The following KANSL1 variants were observed in gnomAD, a reference collection of about 807,000 sequenced individuals.
The protein encoded by KANSL1 is MLL1/MLL complex subunit KANSL1.
KANSL1 carries 22 observed loss-of-function variants against 103.6 expected under a neutral mutation model. The observed-to-expected ratio is 0.21, with a 90% CI of 0.15 to 0.30. The LOEUF (loss-of-function observed/expected upper bound fraction) is 0.30, where lower values mean the gene tolerates loss of function less well. Ranked by LOEUF, KANSL1 falls within the 10% of genes least tolerant of loss-of-function variation. The pLI is 1.00. For missense variants in KANSL1, 1,337 were observed against 1,399.8 expected (o/e 0.96, Z 0.72); for synonymous variants, 600 against 527.6 (o/e 1.14, Z -1.88).
At chr17:46,146,474 C>G (rs1380721017) in intron 2 of KANSL1, among the ~76,000 whole-genome samples, 2 of 152,136 alleles carry the variant, frequency 1.3e-5, no homozygotes, top group Non-Finnish European at 2.9e-5. Context: ...TTTTTTTGGA[C>G]TGCTCCTGCA....
intron 1 of KANSL1, among the ~76,000 whole-genome samples, chr17:46,181,273 G>A (rs147175020): frequency 1.3e-5 from 2 of 152,124 alleles, no homozygotes; most frequent in Non-Finnish European, 2.9e-5. Context: ...TTCAGGTTTG[G>A]TATGTCCTCT....
At chr17:46,074,763 C>CTAAATAAATAAATAAATAAA (rs71138522) in intron 4 of KANSL1, among the ~76,000 whole-genome samples, 1 of 142,556 alleles carries the variant, frequency 7.0e-6, no homozygotes, top group Non-Finnish European at 1.5e-5. Context: ...GACCCTATCT[C>CTAAATAAATAAATAAATAAA]TAAATAAATA....
At chr17:46,105,098 C>G (rs1313509148) in intron 2 of KANSL1, among the ~76,000 whole-genome samples, 2 of 152,174 alleles carry the variant, frequency 1.3e-5, no homozygotes, top group Non-Finnish European at 2.9e-5. Flanking sequence ...CAGGCGTGAG[C>G]AACCGCACAT....
intron 2 of KANSL1, among the ~76,000 whole-genome samples, chr17:46,110,737 T>C (rs2042766754): frequency 1.3e-5 from 2 of 152,066 alleles, no homozygotes; most frequent in African/African-American, 4.8e-5. Context: ...AAAAGAATAC[T>C]GTGGGCAAGA....
At chr17:46,173,467 T>C (rs1033654543) in intron 1 of KANSL1, among the ~76,000 whole-genome samples, 2 of 152,230 alleles carry the variant, frequency 1.3e-5, no homozygotes, top group African/African-American at 4.8e-5. Context: ...CCTTGATCTA[T>C]GTGGTCTGGG....
intron 7 of KANSL1, among the ~76,000 whole-genome samples, chr17:46,047,919 G>A (rs997290851): frequency 1.5e-5 from 2 of 133,560 alleles, no homozygotes; most frequent in African/African-American, 3.0e-5. Flanking sequence ...CACTCCCCCC[G>A]CCACCAAGAC....
At chr17:46,050,280 A>C in intron 7 of KANSL1, 2 of 522,312 alleles carry the variant, frequency 3.8e-6, no homozygotes, top group Middle Eastern at 5.0e-4. Context: ...GCTAGAGGCA[A>C]CTGAGCCCAG....
At chr17:46,179,790 C>T (rs188730308) in intron 1 of KANSL1, among the ~76,000 whole-genome samples, 1 of 152,290 alleles carries the variant, frequency 6.6e-6, no homozygotes, top group African/African-American at 2.4e-5. Context: ...CAATTTGGGC[C>T]GGGCGCAGTG....
chr17:46,144,172 T>C (rs931274355), intron 2 of KANSL1, among the ~76,000 whole-genome samples: 2 of 152,246 alleles, frequency 1.3e-5, no homozygotes, highest in African/African-American at 4.8e-5. Flanking sequence ...AGGGAAGGTA[T>C]ACCTTCTAAG....
chr17:46,155,759 A>AAC (rs1361921262), intron 2 of KANSL1, among the ~76,000 whole-genome samples: 3 of 152,206 alleles, frequency 2.0e-5, no homozygotes, highest in Non-Finnish European at 4.4e-5. Flanking sequence ...GTCTATTAAA[A>AAC]AAAAAAACTA....
intron 6 of KANSL1, among the ~76,000 whole-genome samples, chr17:46,064,611 C>T (rs1240927939): frequency 6.6e-6 from 1 of 152,156 alleles, no homozygotes; most frequent in African/African-American, 2.4e-5. Flanking sequence ...TCTGTAACAA[C>T]TGACACAGAC....
chr17:46,120,923 C>A (rs2043251579), intron 2 of KANSL1, among the ~76,000 whole-genome samples: 1 of 152,140 alleles, frequency 6.6e-6, no homozygotes, highest in South Asian at 2.1e-4. Flanking sequence ...ATAAACTGAA[C>A]TCCGATCTTC....
intron 1 of KANSL1, among the ~76,000 whole-genome samples, chr17:46,213,612 C>T (rs996003572): frequency 4.6e-5 from 7 of 150,830 alleles, no homozygotes; most frequent in East Asian, 2.1e-4. Context: ...CCGGCCCAAA[C>T]GTTTTCTAAT....
intron 2 of KANSL1, among the ~76,000 whole-genome samples, chr17:46,143,133 G>A (rs1014809091): frequency 6.6e-6 from 1 of 152,202 alleles, no homozygotes; most frequent in South Asian, 2.1e-4. Flanking sequence ...CTCAAAGGCC[G>A]TAAGATACAC....
At chr17:46,036,684 C>CAGATACTGA (rs957229878) in intron 10 of KANSL1, among the ~76,000 whole-genome samples, 1 of 151,978 alleles carries the variant, frequency 6.6e-6, no homozygotes, top group African/African-American at 2.4e-5. Flanking sequence ...GCAGATACTG[C>CAGATACTGA]AGATACTGAG....
Position 46,058,743 on chromosome 17 carries a change from ACTCTCTCTCTCTCTCTCTCTCTCTCTCT to A in KANSL1, c.1848+7766_1848+7793del, listed in dbSNP as rs756932556. Among the ~76,000 whole-genome samples, 5 of 68,028 alleles carry A rather than the reference ACTCTCTCTCTCTCTCTCTCTCTCTCTCT, an allele frequency of 7.3e-5. No homozygotes were observed. In the East Asian group the frequency reaches 1.2e-3, roughly 17 times the overall value. The allele number at this position is 68,028 out of a possible 152,430, so 44.6% of individuals were successfully genotyped here. ...CACACACACACACACACACACACAC[ACTCTCTCTCTCTCTCTCTCTCTCTCTCT>A]CTCTCTCTCTCTCTCTCTCTCAAAA... is the stretch of plus-strand genomic sequence containing the variant. On this transcript the variant is annotated intron_variant, in intron 6 of 14. Coordinates refer to ENST00000432791, the MANE Select transcript of KANSL1 (RefSeq NM_015443.4).
rs117590147 is a variant in KANSL1, at chr17:46,032,566, C to T, written c.2838-267G>A. On this transcript the variant is annotated intron_variant, in intron 13 of 14. Coordinates refer to ENST00000432791, the MANE Select transcript of KANSL1 (RefSeq NM_015443.4). ...GTGAATTCAGGAGGTTAGGGAGATT[C>T]GTGTAGACTTTGAAAACTGTAGTCA... is the stretch of plus-strand genomic sequence containing the variant. 4.5e-4 allele frequency: 186 copies of T among 410,234 alleles called. No individual in the cohort carries two copies. In the East Asian group the frequency reaches 5.0e-3, roughly 11 times the overall value. 25.4% of individuals were successfully genotyped at this position (410,234 alleles called of 1,614,324 possible). A position where few individuals can be genotyped will look rare whatever the true frequency, so the allele number is the denominator to read the frequency against.
At position 46,171,009 on chromosome 17, in the gene KANSL1, C is replaced by T. The variant is rs1486084573; in HGVS notation, c.1135G>A (p.Glu379Lys). 1 of 1,614,216 alleles carries T rather than the reference C, an allele frequency of 6.2e-7. No individual in the cohort carries two copies. Among genetic ancestry groups the T allele is most frequent in the Non-Finnish European group, 8.5e-7 (1 of 1,180,052 alleles). The part of the protein sequence containing the change: ...NFLKSNSISE[E>K]LERFTASGIA... ...CCACTAGCTGTAAATCTCTCCAATT[C>T]TTCTGAAATTGAATTGCTTTTCAGA... is the stretch of plus-strand genomic sequence containing the variant. The change falls in exon 2 of 15, where the codon GAA becomes AAA. Residue 379 changes from glutamate to lysine, a missense_variant. Coordinates refer to ENST00000432791, the MANE Select transcript of KANSL1 (RefSeq NM_015443.4).
At chr17:46,173,303 TA>T (rs66525611) in intron 1 of KANSL1, among the ~76,000 whole-genome samples, 21,951 of 152,224 alleles carry the variant, frequency 0.14, 2,136 homozygotes, top group Non-Finnish European at 0.22. Context: ...AAGATTCCTA[TA>T]ACCTCTATGT....
Sources: gnomAD v4.1 joint callset for allele counts (sites outside exome capture counted in the v4.1 genomes callset) on GRCh38, gnomAD v4.1.1 for gene constraint, MANE v1.5 for transcripts, NCBI Gene and HGNC (gene_info 2026-07-23, HGNC 2026-07-21) for gene names.